Variants in ADCY5 observed in about 807,000 individuals in gnomAD.
ADCY5 encodes adenylate cyclase 5, also known as adenylate cyclase type 5.
ADCY5 carries 30 observed loss-of-function variants against 119.7 expected under a neutral mutation model. The ratio of observed to expected loss-of-function variants is 0.25; its 90% CI spans 0.19 to 0.34. The LOEUF (loss-of-function observed/expected upper bound fraction) is 0.34. Among genes scored for constraint, ADCY5 ranks in the 10% least tolerant of loss-of-function variants. The probability of loss-of-function intolerance (pLI) is 1.00; values close to 1 mark genes in which losing one functional copy is unlikely to be tolerated. For missense variants in ADCY5, 1,324 were observed against 1,775.2 expected, an observed-to-expected ratio of 0.75 and a Z score of 4.57; for synonymous variants, 753 against 762.2, an observed-to-expected ratio of 0.99 and a Z score of 0.20.
chr3:123,294,755 A>G (rs912091106), intron 17 of ADCY5, among the ~76,000 whole-genome samples: 2 of 152,134 alleles, frequency 1.3e-5, no homozygotes, highest in African/African-American at 4.8e-5. Context: ...ACCCCTGCTG[A>G]TCGCCGATGG....
intron 1 of ADCY5, among the ~76,000 whole-genome samples, chr3:123,372,100 G>A (rs1237610446): frequency 6.6e-6 from 1 of 152,164 alleles, no homozygotes; most frequent in African/African-American, 2.4e-5. Flanking sequence ...TGCTGGACTT[G>A]TCCAGGAGCC....
rs1400211646 is a variant in ADCY5, at chr3:123,286,389, C to T, written c.3657+296G>A. 6.6e-6 allele frequency among the ~76,000 whole-genome samples: 1 copy of T among 152,192 alleles called. No individual in the cohort carries two copies. Among genetic ancestry groups the T allele is most frequent in the Non-Finnish European group, 1.5e-5 (1 of 68,028 alleles). On this transcript the variant is annotated intron_variant, in intron 20 of 20. Coordinates refer to ENST00000462833, the MANE Select transcript of ADCY5 (RefSeq NM_183357.3). The surrounding 1 kb of genome is among the most constrained non-coding windows in gnomAD (Gnocchi z 4.2). ...CTGGGCTAGGAGGCACTGGGGCCTG[C>T]ATGTGCACTCTCAGCTCGGCCTCTA...
chr3:123,407,430 ATAC>A (rs1323232744), intron 1 of ADCY5, among the ~76,000 whole-genome samples: 1 of 152,156 alleles, frequency 6.6e-6, no homozygotes, highest in Non-Finnish European at 1.5e-5. Flanking sequence ...GTACTGATTC[ATAC>A]TACAATGTGG....
chr3:123,355,486 C>CTGTA (rs1943008178), intron 1 of ADCY5, among the ~76,000 whole-genome samples: 1 of 152,140 alleles, frequency 6.6e-6, no homozygotes, highest in Non-Finnish European at 1.5e-5. Flanking sequence ...AGAGGGCCAA[C>CTGTA]TGTACTATGA....
chr3:123,402,151 T>A (rs549611861), intron 1 of ADCY5, among the ~76,000 whole-genome samples: 6 of 152,254 alleles, frequency 3.9e-5, no homozygotes, highest in African/African-American at 1.4e-4. Context: ...TGAGCTGAGA[T>A]AGGCTGAGAA....
intron 4 of ADCY5, among the ~76,000 whole-genome samples, chr3:123,331,727 C>T (rs894435294): frequency 2.6e-5 from 4 of 151,380 alleles, no homozygotes; most frequent in African/African-American, 9.8e-5. Flanking sequence ...AGTTGAGAAA[C>T]AGGGATTCAA....
intron 3 of ADCY5, among the ~76,000 whole-genome samples, chr3:123,345,578 G>A (rs913205192): frequency 2.0e-5 from 3 of 152,120 alleles, no homozygotes; most frequent in African/African-American, 7.2e-5. Context: ...GGGACCACTT[G>A]GTGGGCTACC....
At chr3:123,333,171 A>G (rs4677883) in intron 3 of ADCY5, among the ~76,000 whole-genome samples, 6 of 152,196 alleles carry the variant, frequency 3.9e-5, no homozygotes, top group South Asian at 2.1e-4. Flanking sequence ...AGAAGAGACA[A>G]GAGAGCTTGC....
At chr3:123,404,861 C>G (rs899540638) in intron 1 of ADCY5, among the ~76,000 whole-genome samples, 1 of 152,200 alleles carries the variant, frequency 6.6e-6, no homozygotes, top group Non-Finnish European at 1.5e-5. Flanking sequence ...GACCTCTCTG[C>G]TGAAACACAC....
Position 123,449,081 on chromosome 3 carries a change from G to T in ADCY5, c.-536C>A. The T allele has an allele frequency of 6.6e-6, 1 of 152,342 alleles. No individual in the cohort carries two copies. The highest frequency in any genetic ancestry group is 2.0e-4 in the South Asian group (1 of 4,906). 9.4% of individuals were successfully genotyped at this position (152,342 alleles called of 1,614,324 possible). A position where few individuals can be genotyped will look rare whatever the true frequency, so the allele number is the denominator to read the frequency against. ...GGGTGCGCTTTCCTCGCAGCGGACT[G>T]GGAGCGACTGGGAGGTGCGGGCGCC... On this transcript the variant is annotated 5_prime_UTR_variant, in exon 1 of 21. Coordinates refer to ENST00000462833, the MANE Select transcript of ADCY5 (RefSeq NM_183357.3).
chr3:123,416,877 A>G lies in ADCY5; in HGVS notation c.1134+30535T>C, dbSNP rs111945456. ...ATGACGTCATAAGATTGGGACCCTCATCTCACAGGAAAAAGAGTAGGCTCC... is the reference window on the plus strand; with the variant it reads ...ATGACGTCATAAGATTGGGACCCTCGTCTCACAGGAAAAAGAGTAGGCTCC... On this transcript the variant is annotated intron_variant, in intron 1 of 20. Transcript: ENST00000462833. Among the ~76,000 whole-genome samples, 672 of 152,202 alleles carry G rather than the reference A, an allele frequency of 4.4e-3. 5 individuals are homozygous for G. Among genetic ancestry groups the G allele is most frequent in the African/African-American group, 0.016 (647 of 41,530 alleles).
chr3:123,412,693 G>A (rs891530149), intron 1 of ADCY5, among the ~76,000 whole-genome samples: 2 of 151,980 alleles, frequency 1.3e-5, no homozygotes, highest in African/African-American at 4.8e-5. Context: ...AAGCCTCTGG[G>A]ATCCAACTCC....
At chr3:123,396,791 C>CG in intron 1 of ADCY5, among the ~76,000 whole-genome samples, 1 of 88,900 alleles carries the variant, frequency 1.1e-5, no homozygotes, top group South Asian at 3.9e-4. Flanking sequence ...GGCAGGCAGG[C>CG]AGGCAGGCAG....
chr3:123,309,468 T>C (rs1420811380), intron 12 of ADCY5, among the ~76,000 whole-genome samples: 1 of 152,154 alleles, frequency 6.6e-6, no homozygotes, highest in Admixed American at 6.5e-5. Context: ...AAAAACCACC[T>C]GGGTTTAAAT....
At chr3:123,302,930 AGGC>A in intron 14 of ADCY5, 122 bp downstream of exon 14, 1 of 1,148,892 alleles carries the variant, frequency 8.7e-7, no homozygotes, top group Non-Finnish European at 1.2e-6. Context: ...TGGGGTAAGC[AGGC>A]CTCTAGAAGA....
chr3:123,367,965 A>T, intron 1 of ADCY5: 1 of 1,533,560 alleles, frequency 6.5e-7, no homozygotes, highest in Non-Finnish European at 8.7e-7. Flanking sequence ...CCTGGGCCCT[A>T]CCCAGCACTA....
At chr3:123,353,146 G>A (rs1180411588) in intron 1 of ADCY5, among the ~76,000 whole-genome samples, 1 of 152,140 alleles carries the variant, frequency 6.6e-6, no homozygotes, top group Non-Finnish European at 1.5e-5. Flanking sequence ...TTCCTCCCTA[G>A]GCTTCTGGTC....
At chr3:123,437,067 A>T (rs1576696669) in intron 1 of ADCY5, among the ~76,000 whole-genome samples, 2 of 152,106 alleles carry the variant, frequency 1.3e-5, no homozygotes, top group African/African-American at 4.8e-5. Flanking sequence ...GGAGTAGGGG[A>T]GTGGAGAAAT....
At position 123,448,047 on chromosome 3, in the gene ADCY5, C is replaced by T. The variant is rs1318464425; in HGVS notation, c.499G>A (p.Gly167Arg). 4 of 1,240,374 alleles carry T rather than the reference C, an allele frequency of 3.2e-6. No individual in the cohort carries two copies. In the African/African-American group the frequency reaches 6.4e-5, roughly 20 times the overall value. The allele number at this position is 1,240,374 out of a possible 1,614,324, so 76.8% of individuals were successfully genotyped here. A position where few individuals can be genotyped will look rare whatever the true frequency, so the allele number is the denominator to read the frequency against. Residue 167 changes from glycine to arginine, a missense_variant, in exon 1 of 21, where the codon GGG becomes AGG. By Grantham distance (125) the Gly-to-Arg change is moderately radical. This residue lies in a region of ADCY5 where 585 missense variants were observed against 569.9 expected (regional missense o/e 1.03). Coordinates refer to ENST00000462833, the MANE Select transcript of ADCY5 (RefSeq NM_183357.3). ...GCCTCCAGCTCGTCGGCCGCGCGCC[C>T]CTTGCCCCGCCGCTCCTCCAGACCC... ...EVGLEERRGK[G>R]RAADELEAGA...
Sources: gnomAD v4.1 joint callset for allele counts (sites outside exome capture counted in the v4.1 genomes callset) on GRCh38, gnomAD v4.1.1 for gene constraint, gnomAD v4.1.1 regional missense constraint, Gnocchi (gnomAD v3.1) non-coding constraint, MANE v1.5 for transcripts, NCBI Gene and HGNC (gene_info 2026-07-23, HGNC 2026-07-21) for gene names.